The following C11orf65 variants were observed in gnomAD, a reference collection of about 807,000 sequenced individuals.
C11orf65 encodes the protein chromosome 11 open reading frame 65.
In C11orf65, 38 loss-of-function variants were observed where a neutral mutation model predicts 35.3. The ratio of observed to expected loss-of-function variants is 1.08; its 90% CI spans 0.83 to 1.41. C11orf65 has a LOEUF of 1.41. Among genes scored for constraint, C11orf65 ranks in the 40% most tolerant of loss-of-function variants. The pLI is 0.00. For synonymous variants in C11orf65, 105 were observed against 114.4 expected, an observed-to-expected ratio of 0.92 and a Z score of 0.53; for missense variants, 370 against 367.1, an observed-to-expected ratio of 1.01 and a Z score of -0.06.
At chr11:108,336,631 T>C (rs866894648) in intron 2 of C11orf65, among the ~76,000 whole-genome samples, 3 of 152,234 alleles carry the variant, frequency 2.0e-5, no homozygotes, top group African/African-American at 7.2e-5. Flanking sequence ...GTGAATAACC[T>C]TGAACATACA....
At chr11:108,451,606 A>G (rs1442743558) in intron 2 of C11orf65, among the ~76,000 whole-genome samples, 1 of 152,048 alleles carries the variant, frequency 6.6e-6, no homozygotes, top group Non-Finnish European at 1.5e-5. Flanking sequence ...ATTCAATGCC[A>G]TCCCCATCAA....
chr11:108,323,786 T>C (rs555459390), intron 6 of C11orf65, among the ~76,000 whole-genome samples: 10 of 152,166 alleles, frequency 6.6e-5, no homozygotes, highest in Non-Finnish European at 1.2e-4. Context: ...AGAGGGAAGG[T>C]TGGATGAACT....
At chr11:108,316,203 A>G in intron 6 of C11orf65, 1 of 1,181,526 alleles carries the variant, frequency 8.5e-7, no homozygotes, top group Admixed American at 1.9e-5. Flanking sequence ...CAGCCAGATA[A>G]ACTCTAGAGA....
rs770905284 is a variant in C11orf65 at position 108,345,911 on chromosome 11, A to G, written c.227-10619T>C. The G allele has an allele frequency of 6.2e-7, 1 of 1,613,530 alleles. No homozygotes were observed. Among genetic ancestry groups the G allele is most frequent in the Non-Finnish European group, 8.5e-7 (1 of 1,179,650 alleles). ...CAGTGTAGCTACTTCTTCTATTGGT[A>G]ATCTTCTTGTACATATAGTAGATTG... On this transcript the variant is annotated intron_variant, in intron 2 of 3. Transcript: ENST00000524755.
At chr11:108,333,841 C>T (rs1243185906) in intron 3 of C11orf65, 1 of 1,441,204 alleles carries the variant, frequency 6.9e-7, no homozygotes, top group African/African-American at 1.4e-5. Flanking sequence ...ACCTTCAATG[C>T]TGTTCCTCAG....
chr11:108,397,280 A>G (rs1345354924), intron 6 of C11orf65, among the ~76,000 whole-genome samples: 2 of 150,480 alleles, frequency 1.3e-5, no homozygotes, highest in Non-Finnish European at 3.0e-5. Flanking sequence ...CATGGTGCCA[A>G]TGTACTCCAG....
At chr11:108,371,604 G>A (rs889804166) in intron 2 of C11orf65, among the ~76,000 whole-genome samples, 1 of 152,116 alleles carries the variant, frequency 6.6e-6, no homozygotes, top group Non-Finnish European at 1.5e-5. Flanking sequence ...CATTGTGTAT[G>A]TGTATATACT....
At chr11:108,414,395 GACAC>G in intron 3 of C11orf65, among the ~76,000 whole-genome samples, 1 of 151,848 alleles carries the variant, frequency 6.6e-6, no homozygotes, top group Admixed American at 6.6e-5. Context: ...TGATTGCATG[GACAC>G]TAAAAAGGAT....
At chr11:108,373,365 T>G (rs1205734009) in intron 2 of C11orf65, among the ~76,000 whole-genome samples, 2 of 151,564 alleles carry the variant, frequency 1.3e-5, no homozygotes, top group African/African-American at 4.9e-5. Context: ...TGTGAAAAAC[T>G]TACAGCTCAC....
At position 108,371,054 on chromosome 11, in the gene C11orf65, G is replaced by A. The variant is rs116420087; in HGVS notation, c.226+22154C>T. ...ACATAGACACATTGCTGATTTGAAGGAATCCAGCAACACAAACAGCACTGA... is the reference window on the plus strand; with the variant it reads ...ACATAGACACATTGCTGATTTGAAGAAATCCAGCAACACAAACAGCACTGA... On this transcript the variant is annotated intron_variant, in intron 2 of 3. Transcript: ENST00000524755. Among the ~76,000 whole-genome samples, 604 of 152,214 alleles carry A rather than the reference G, an allele frequency of 4.0e-3. 5 individuals are homozygous for A. The highest frequency in any genetic ancestry group is 0.014 in the African/African-American group (563 of 41,546).
intron 6 of C11orf65, among the ~76,000 whole-genome samples, chr11:108,325,865 G>GAGAC (rs990484566): frequency 6.6e-6 from 1 of 152,212 alleles, no homozygotes. Context: ...CATATAGAGA[G>GAGAC]AGACAGACAG....
chr11:108,326,468 C>CT (rs4988106), downstream of C11orf65, among the ~76,000 whole-genome samples: 1,962 of 152,166 alleles, frequency 0.013, 54 homozygotes, highest in African/African-American at 0.044. Flanking sequence ...AGTATTAAGC[C>CT]TTTAACTTCC....
rs544463186 is a variant in C11orf65, at chr11:108,463,923, A to T, written c.-9-2355T>A. 1.1e-4 allele frequency among the ~76,000 whole-genome samples: 15 copies of T among 130,780 alleles called. No homozygotes were observed. In the South Asian group the frequency reaches 3.6e-3, roughly 32 times the overall value. 85.8% of individuals were successfully genotyped at this position (130,780 alleles called of 152,430 possible). On this transcript the variant is annotated intron_variant, in intron 1 of 8. Coordinates refer to ENST00000393084, the MANE Select transcript of C11orf65 (RefSeq NM_152587.5). ...ATATTTCAGGCCTAAAAGATTTGTTAATTTTTTTTTTTTTTTTTTTTGAGA... is the reference window on the plus strand; with the variant it reads ...ATATTTCAGGCCTAAAAGATTTGTTTATTTTTTTTTTTTTTTTTTTTGAGA...
Position 108,316,907 on chromosome 11 carries a change from T to C in C11orf65, c.641-7836A>G, listed in dbSNP as rs1184554013. Among the ~76,000 whole-genome samples the C allele has an allele frequency of 4.0e-5, 6 of 151,558 alleles. 1 individual carries two copies. The highest frequency in any genetic ancestry group is 3.9e-4 in the Admixed American group (6 of 15,226). On this transcript the variant is annotated intron_variant, in intron 6 of 6. Transcript: ENST00000525729. ...CGCCACTGCACTCCAGCCTGGGCAA[T>C]AGAGCGAGACTCCATCTCAAAAATA...
chr11:108,370,637 G>GTAAA (rs1348010901), intron 2 of C11orf65, among the ~76,000 whole-genome samples: 1 of 147,404 alleles, frequency 6.8e-6, no homozygotes, highest in African/African-American at 2.5e-5. Flanking sequence ...TTTTTAATGT[G>GTAAA]TGTATTTCCC....
At chr11:108,468,501 G>A (rs1304743235), upstream of C11orf65, among the ~76,000 whole-genome samples, 4 of 152,154 alleles carry the variant, frequency 2.6e-5, no homozygotes, top group East Asian at 5.8e-4. Context: ...TTCATGCATG[G>A]AATATAATTT....
At chr11:108,408,029 T>A (rs1051666381) in intron 3 of C11orf65, among the ~76,000 whole-genome samples, 7 of 144,604 alleles carry the variant, frequency 4.8e-5, no homozygotes, top group African/African-American at 1.8e-4. Context: ...TTATTATTAT[T>A]TTATTATTAC....
rs1057521277 is a variant in C11orf65 at position 108,353,896 on chromosome 11, T to G, written c.227-18604A>C. The G allele has an allele frequency of 1.3e-6, 2 of 1,596,886 alleles. No homozygotes were observed. Among genetic ancestry groups the G allele is most frequent in the Non-Finnish European group, 8.6e-7 (1 of 1,164,568 alleles). ...TCTTCAGAAGGTAAGTGATATGAAGTAAAGGAGGGAAATAATTTTTGATGT... is the reference window on the plus strand; with the variant it reads ...TCTTCAGAAGGTAAGTGATATGAAGGAAAGGAGGGAAATAATTTTTGATGT... On this transcript the variant is annotated intron_variant, in intron 2 of 3. Coordinates refer to the C11orf65 transcript ENST00000524755.
At chr11:108,406,251 CAAAT>C (rs1403033552) in intron 5 of C11orf65, among the ~76,000 whole-genome samples, 5 of 152,152 alleles carry the variant, frequency 3.3e-5, no homozygotes, top group Admixed American at 1.3e-4. Context: ...TATTATTAAA[CAAAT>C]GAATGAATTC....
Sources: allele counts gnomAD v4.1 joint callset (sites outside exome capture counted in the v4.1 genomes callset), GRCh38; gene constraint gnomAD v4.1.1; transcripts MANE v1.5; gene names NCBI Gene and HGNC (gene_info 2026-07-23, HGNC 2026-07-21).